Variants in HSD11B1 observed in about 807,000 individuals in gnomAD.
HSD11B1 encodes the protein 11-beta-hydroxysteroid dehydrogenase 1.
Under a neutral mutation model 22.1 loss-of-function variants are expected in HSD11B1, and 15 were observed. The observed-to-expected ratio is 0.68, with a 90% confidence interval of 0.45 to 1.04. The LOEUF is 1.04. Among genes scored for constraint, HSD11B1 ranks in the 50% least tolerant of loss-of-function variants. HSD11B1 has a pLI of 0.00. For missense variants in HSD11B1, 281 were observed against 357.6 expected, an observed-to-expected ratio of 0.79 and a Z score of 1.73; for synonymous variants, 122 against 125.2, an observed-to-expected ratio of 0.97 and a Z score of 0.17.
intron 1 of HSD11B1, among the ~76,000 whole-genome samples, chr1:209,694,845 T>C (rs1385060686): frequency 6.6e-6 from 1 of 152,196 alleles, no homozygotes; most frequent in Non-Finnish European, 1.5e-5. Context: ...AATTAATAGA[T>C]TGGGGAAGGT....
In HSD11B1 at chr1:209,706,083, C is replaced by G; in HGVS notation, c.219+142C>G. 1.9e-6 allele frequency: 2 copies of G among 1,071,802 alleles called. No homozygotes were observed. Among genetic ancestry groups the G allele is most frequent in the Non-Finnish European group, 2.8e-6 (2 of 712,788 alleles). 66.4% of individuals were successfully genotyped at this position (1,071,802 alleles called of 1,614,324 possible). A position where few individuals can be genotyped will look rare whatever the true frequency, so the allele number is the denominator to read the frequency against. ...ACACACACAGACACTTAATTTTGCA[C>G]TCTCATATATAGATTCAAACACCAA... is the stretch of plus-strand genomic sequence containing the variant. On this transcript the variant is annotated intron_variant, in intron 2 of 5. Transcript: ENST00000367027. This position sits in a 1 kb window ranked among gnomAD's most constrained non-coding sequence, Gnocchi z 4.0.
intron 4 of HSD11B1, among the ~76,000 whole-genome samples, chr1:209,729,351 TC>T (rs2077021658): frequency 7.8e-6 from 1 of 128,574 alleles, no homozygotes; most frequent in African/African-American, 2.8e-5. Flanking sequence ...AGAGCAAGAC[TC>T]TGCCTCGGAA....
At chr1:209,694,579 A>G (rs2076779780) in intron 1 of HSD11B1, among the ~76,000 whole-genome samples, 2 of 152,184 alleles carry the variant, frequency 1.3e-5, no homozygotes, top group Non-Finnish European at 2.9e-5. Flanking sequence ...TAAAGCTGTA[A>G]TAGGTAGTTT....
intron 1 of HSD11B1, among the ~76,000 whole-genome samples, chr1:209,699,809 G>T (rs2076815911): frequency 6.6e-6 from 1 of 152,168 alleles, no homozygotes; most frequent in South Asian, 2.1e-4. Context: ...AGGGGTACAG[G>T]TATTGGGTAA....
At chr1:209,710,668 G>A (rs2076889444) in intron 4 of HSD11B1, among the ~76,000 whole-genome samples, 1 of 151,986 alleles carries the variant, frequency 6.6e-6, no homozygotes, top group African/African-American at 2.4e-5. Context: ...AATCCTTCTG[G>A]ATCAAGGAAA....
At chr1:209,713,000 G>C (rs2076908021) in intron 4 of HSD11B1, among the ~76,000 whole-genome samples, 1 of 152,062 alleles carries the variant, frequency 6.6e-6, no homozygotes, top group African/African-American at 2.4e-5. Context: ...AGTGAGCCGA[G>C]ATCGCACCAC....
chr1:209,721,871 A>G (rs2076969062), intron 4 of HSD11B1, among the ~76,000 whole-genome samples: 1 of 152,152 alleles, frequency 6.6e-6, no homozygotes, highest in Non-Finnish European at 1.5e-5. Context: ...TTGCCTTTAG[A>G]CTTTAGATGT....
chr1:209,710,141 A>T (rs946305717), intron 4 of HSD11B1, among the ~76,000 whole-genome samples: 4 of 152,256 alleles, frequency 2.6e-5, no homozygotes, highest in East Asian at 1.9e-4. Flanking sequence ...GAATATGACT[A>T]AAAAAAATCA....
chr1:209,706,634 C>A lies in HSD11B1; in HGVS notation c.220-75C>A, dbSNP rs1416234651. On this transcript the variant is annotated intron_variant, in intron 2 of 5. Coordinates refer to ENST00000367027, the MANE Select transcript of HSD11B1 (RefSeq NM_005525.4). The surrounding 1 kb of genome is among the most constrained non-coding windows in gnomAD (Gnocchi z 4.0). ...GGCTGTGAGCAATCTCTCATTTAAG[C>A]CCCCCGTTACTTCAGAGACTACCCC... 4.3e-6 allele frequency: 4 copies of A among 928,132 alleles called. No individual in the cohort carries two copies. The highest frequency in any genetic ancestry group is 2.4e-5 in the East Asian group (1 of 41,734). The allele number at this position is 928,132 out of a possible 1,614,324, so 57.5% of individuals were successfully genotyped here. A position where few individuals can be genotyped will look rare whatever the true frequency, so the allele number is the denominator to read the frequency against.
At chr1:209,724,702 G>A (rs1477520434) in intron 4 of HSD11B1, among the ~76,000 whole-genome samples, 4 of 152,064 alleles carry the variant, frequency 2.6e-5, no homozygotes, top group Non-Finnish European at 4.4e-5. Context: ...TTCTAAATAT[G>A]GTTTACATAG....
intron 4 of HSD11B1, among the ~76,000 whole-genome samples, chr1:209,727,663 G>C (rs2077012069): frequency 6.6e-6 from 1 of 152,152 alleles, no homozygotes; most frequent in African/African-American, 2.4e-5. Flanking sequence ...TTGAATCCTG[G>C]TTTGAATCCT....
chr1:209,687,898 G>C (rs904712617), intron 1 of HSD11B1, among the ~76,000 whole-genome samples: 2 of 152,214 alleles, frequency 1.3e-5, no homozygotes, highest in Non-Finnish European at 2.9e-5. Context: ...ATTTGAGGCA[G>C]ATTTGTCATG....
intron 4 of HSD11B1, among the ~76,000 whole-genome samples, chr1:209,719,789 T>C (rs1466227447): frequency 2.6e-5 from 4 of 152,248 alleles, no homozygotes; most frequent in African/African-American, 9.6e-5. Context: ...ATTTGCTTAA[T>C]CCACTCTATC....
rs551965741 is a variant in HSD11B1, at chr1:209,719,832, T to C, written c.518-12604T>C. Among the ~76,000 whole-genome samples the C allele has an allele frequency of 7.2e-5, 11 of 152,350 alleles. No individual in the cohort carries two copies. In the South Asian group the frequency reaches 2.1e-3, roughly 29 times the overall value. On this transcript the variant is annotated intron_variant, in intron 4 of 5. Coordinates refer to ENST00000367027, the MANE Select transcript of HSD11B1 (RefSeq NM_005525.4). ...GACATTTGAATTGGTTCCAAGTCTTTCCTATTGTGAATAGTGCCACAATAA... is the reference window on the plus strand; with the variant it reads ...GACATTTGAATTGGTTCCAAGTCTTCCCTATTGTGAATAGTGCCACAATAA...
chr1:209,721,226 T>A (rs1571882303), intron 4 of HSD11B1, among the ~76,000 whole-genome samples: 1 of 152,236 alleles, frequency 6.6e-6, no homozygotes, highest in African/African-American at 2.4e-5. Context: ...CAGTTTGTGG[T>A]AATTTGTTAT....
chr1:209,694,338 A>G lies in HSD11B1; in HGVS notation c.-49+8053A>G, dbSNP rs1336941858. Among the ~76,000 whole-genome samples the G allele has an allele frequency of 3.3e-5, 5 of 152,198 alleles. No individual in the cohort carries two copies. The East Asian group carries it at 9.6e-4, about 29-fold the overall frequency. ...GGAGATGCAGGGGCAAGCAAGGTGG[A>G]AATGGTCTCTGCCTTCCCAGAACTA... On this transcript the variant is annotated intron_variant, in intron 1 of 6. Transcript: ENST00000261465.
intron 4 of HSD11B1, among the ~76,000 whole-genome samples, chr1:209,721,845 C>A (rs955809765): frequency 6.6e-6 from 1 of 152,226 alleles, no homozygotes; most frequent in African/African-American, 2.4e-5. Context: ...AGCAAGGGCA[C>A]TTCCAGCCCT....
intron 4 of HSD11B1, among the ~76,000 whole-genome samples, chr1:209,727,367 G>T (rs1487988054): frequency 6.6e-6 from 1 of 152,230 alleles, no homozygotes; most frequent in African/African-American, 2.4e-5. Flanking sequence ...CAAGTTTGTG[G>T]TAATTTGTTA....
At chr1:209,697,081 A>C (rs1465570818) in intron 1 of HSD11B1, among the ~76,000 whole-genome samples, 1 of 152,254 alleles carries the variant, frequency 6.6e-6, no homozygotes, top group East Asian at 1.9e-4. Context: ...AATGGCCAGA[A>C]CTACAGACTC....
Sources: allele counts gnomAD v4.1 joint callset (sites outside exome capture counted in the v4.1 genomes callset), GRCh38; gene constraint gnomAD v4.1.1; non-coding constraint Gnocchi (gnomAD v3.1); transcripts MANE v1.5; gene names NCBI Gene and HGNC (gene_info 2026-07-23, HGNC 2026-07-21).